The following ADGRL2 variants were observed in gnomAD, a reference collection of about 807,000 sequenced individuals.
ADGRL2 encodes calcium-independent alpha-latrotoxin receptor 2.
Under a neutral mutation model 157.4 loss-of-function variants are expected in ADGRL2, and 44 were observed. That is an observed-to-expected ratio of 0.28 (90% CI 0.22 to 0.36). The LOEUF (loss-of-function observed/expected upper bound fraction) is 0.36. Among genes scored for constraint, ADGRL2 ranks in the 10% least tolerant of loss-of-function variants. The pLI, the probability that ADGRL2 is intolerant of heterozygous loss-of-function variation, is 1.00. For synonymous variants in ADGRL2, 585 were observed against 624.7 expected, an observed-to-expected ratio of 0.94 and a Z score of 0.95; for missense variants, 1,510 against 1,768.9, an observed-to-expected ratio of 0.85 and a Z score of 2.63.
At chr1:81,345,616 A>G (rs12134104) in intron 1 of ADGRL2, among the ~76,000 whole-genome samples, 30,507 of 152,126 alleles carry the variant, frequency 0.2, 3,921 homozygotes, top group Middle Eastern at 0.34. Flanking sequence ...TATTAATGCA[A>G]CAGAATCTGT....
At chr1:81,545,078 A>C (rs927412895) in intron 2 of ADGRL2, among the ~76,000 whole-genome samples, 3 of 152,144 alleles carry the variant, frequency 2.0e-5, no homozygotes, top group African/African-American at 7.2e-5. Flanking sequence ...TCTGACCATA[A>C]GAGAACAAAG....
intron 1 of ADGRL2, among the ~76,000 whole-genome samples, chr1:81,825,176 C>T (rs2091355059): frequency 6.6e-6 from 1 of 152,044 alleles, no homozygotes; most frequent in South Asian, 2.1e-4. Context: ...AGTCCTGTTT[C>T]TATGAAATAC....
chr1:81,904,549 A>G (rs995951501), intron 2 of ADGRL2, among the ~76,000 whole-genome samples: 2 of 152,306 alleles, frequency 1.3e-5, no homozygotes, highest in African/African-American at 4.8e-5. Context: ...AGAATGGTTG[A>G]AAAGTGGAAG....
chr1:81,894,070 T>C (rs1406151644), intron 2 of ADGRL2, among the ~76,000 whole-genome samples: 2 of 152,184 alleles, frequency 1.3e-5, no homozygotes, highest in Non-Finnish European at 2.9e-5. Context: ...AAGTCAGCTC[T>C]TTGCTTCAGG....
rs115993959 is a variant in ADGRL2 at position 81,375,994 on chromosome 1, C to T, written c.-301-69042C>T. ...AAATTAATGAATTCAATTTTTAAAA[C>T]ACAAATCCAGCATCATTACGAAGAT... On this transcript the variant is annotated intron_variant, in intron 1 of 24. Coordinates refer to the ADGRL2 transcript ENST00000370721. Among the ~76,000 whole-genome samples, 1,380 of 152,106 alleles carry T rather than the reference C, an allele frequency of 9.1e-3. 18 individuals are homozygous for T. Among genetic ancestry groups the T allele is most frequent in the South Asian group, 0.047 (228 of 4,822 alleles).
At chr1:81,383,390 G>A (rs1008279758) in intron 1 of ADGRL2, among the ~76,000 whole-genome samples, 4 of 152,094 alleles carry the variant, frequency 2.6e-5, no homozygotes, top group African/African-American at 4.8e-5. Flanking sequence ...CATAAAGTGG[G>A]AGGGAGGAAC....
intron 9 of ADGRL2, among the ~76,000 whole-genome samples, chr1:81,952,455 C>T (rs1020969117): frequency 4.6e-5 from 7 of 152,202 alleles, no homozygotes; most frequent in Admixed American, 6.6e-5. Context: ...ATATGTTATA[C>T]AGTTGATATA....
rs192553169 is a variant in ADGRL2, at chr1:81,873,297, T to C, written c.74-33720T>C. The stretch of plus-strand genomic sequence containing the variant: ...AATCTTTGTGTGAAAGTGAAGACTG[T>C]CATAAAGGATTATCATTAGCCTCTT... On this transcript the variant is annotated intron_variant, in intron 2 of 23. Transcript: ENST00000686636. Among the ~76,000 whole-genome samples the C allele has an allele frequency of 8.5e-5, 13 of 152,266 alleles. No individual in the cohort carries two copies. In the East Asian group the frequency reaches 1.5e-3, roughly 18 times the overall value.
intron 1 of ADGRL2, among the ~76,000 whole-genome samples, chr1:81,720,179 C>CTTTTTTTTTTT (rs370916970): frequency 7.2e-6 from 1 of 138,888 alleles, no homozygotes; most frequent in Non-Finnish European, 1.6e-5. Context: ...TCCTTTTTTT[C>CTTTTTTTTTTT]TTTTCTTTTT....
chr1:81,960,277 GT>G (rs146510464), intron 11 of ADGRL2, among the ~76,000 whole-genome samples: 3 of 152,210 alleles, frequency 2.0e-5, no homozygotes, highest in Non-Finnish European at 4.4e-5. Flanking sequence ...TATGCTGATG[GT>G]TAGATTTAGA....
chr1:81,800,907 G>T (rs892714872), upstream of ADGRL2, among the ~76,000 whole-genome samples: 5 of 149,438 alleles, frequency 3.3e-5, no homozygotes, highest in African/African-American at 1.2e-4. Context: ...GCGAGCTGGC[G>T]CAGGCCGCCT....
At chr1:81,732,980 A>G (rs1168634498) in intron 1 of ADGRL2, among the ~76,000 whole-genome samples, 1 of 152,234 alleles carries the variant, frequency 6.6e-6, no homozygotes, top group East Asian at 1.9e-4. Context: ...TCTATGTTTT[A>G]CGATATCCAT....
chr1:81,990,367 A>G (rs1664351753), intron 23 of ADGRL2, 24 bp from the exon 24 acceptor site: 1 of 1,601,096 alleles, frequency 6.2e-7, no homozygotes, highest in African/African-American at 1.3e-5. Flanking sequence ...GACAGTAATG[A>G]TAACTCCCCC....
intron 2 of ADGRL2, among the ~76,000 whole-genome samples, chr1:81,892,637 A>G (rs1429186506): frequency 6.6e-6 from 1 of 152,170 alleles, no homozygotes; most frequent in Non-Finnish European, 1.5e-5. Flanking sequence ...ATAAATGGCT[A>G]GATGGTAAAT....
chr1:81,326,123 G>A (rs976878994), intron 1 of ADGRL2, among the ~76,000 whole-genome samples: 2 of 152,164 alleles, frequency 1.3e-5, no homozygotes, highest in African/African-American at 4.8e-5. Context: ...GAGAGTGGGA[G>A]AAAGAATCAG....
At chr1:81,556,465 A>G (rs1004108831) in intron 2 of ADGRL2, among the ~76,000 whole-genome samples, 1 of 151,938 alleles carries the variant, frequency 6.6e-6, no homozygotes, top group East Asian at 1.9e-4. Context: ...GGCGTGAGCC[A>G]CAGAGCCCAG....
intron 2 of ADGRL2, among the ~76,000 whole-genome samples, chr1:81,855,484 G>A (rs1482876930): frequency 6.6e-6 from 1 of 151,898 alleles, no homozygotes; most frequent in Non-Finnish European, 1.5e-5. Context: ...AAGTCGGCAG[G>A]TGCTATTCAG....
chr1:81,309,506 T>C lies in ADGRL2; in HGVS notation c.-302+2997T>C, dbSNP rs112270178. Among the ~76,000 whole-genome samples, 444 of 152,262 alleles carry C rather than the reference T, an allele frequency of 2.9e-3. 2 individuals are homozygous for C. Among genetic ancestry groups the C allele is most frequent in the African/African-American group, 0.01 (424 of 41,556 alleles). ...ATAATGCCTTCCTAATTATCTCTGATGACTAGTAGTAGGGACATTCCACCC... is the reference window on the plus strand; with the variant it reads ...ATAATGCCTTCCTAATTATCTCTGACGACTAGTAGTAGGGACATTCCACCC... On this transcript the variant is annotated intron_variant, in intron 1 of 24. Transcript: ENST00000370721.
chr1:81,583,600 T>A (rs766495414), intron 3 of ADGRL2, among the ~76,000 whole-genome samples: 1 of 150,986 alleles, frequency 6.6e-6, no homozygotes, highest in Non-Finnish European at 1.5e-5. Flanking sequence ...TCCTCCCCAT[T>A]GAAGATATTT....
Sources: allele counts gnomAD v4.1 joint callset (sites outside exome capture counted in the v4.1 genomes callset), GRCh38; gene constraint gnomAD v4.1.1; transcripts MANE v1.5; gene names NCBI Gene and HGNC (gene_info 2026-07-23, HGNC 2026-07-21).